L3MBTL4: variants seen among roughly 807,000 people sequenced by gnomAD.
L3MBTL4 encodes the protein L3MBTL histone methyl-lysine binding protein 4, also known as lethal(3)malignant brain tumor-like protein 4.
A neutral mutation model predicts 84.5 loss-of-function variants in L3MBTL4; 70 were observed. The ratio of observed to expected loss-of-function variants is 0.83; its 90% CI spans 0.68 to 1.01. The LOEUF is 1.01. Among genes scored for constraint, L3MBTL4 ranks in the 50% least tolerant of loss-of-function variants. The pLI is 0.00. For synonymous variants in L3MBTL4, 274 were observed against 259.8 expected, an observed-to-expected ratio of 1.05 and a Z score of -0.52; for missense variants, 715 against 754.8, an observed-to-expected ratio of 0.95 and a Z score of 0.62.
rs573638941 is a variant in L3MBTL4 at position 6,213,692 on chromosome 18, G to A, written c.871-433C>T. Among the ~76,000 whole-genome samples, 12 of 152,196 alleles carry A rather than the reference G, an allele frequency of 7.9e-5. No individual in the cohort carries two copies. The South Asian group carries it at 1.2e-3, about 16-fold the overall frequency. On this transcript the variant is annotated intron_variant, in intron 11 of 18. Coordinates refer to ENST00000317931, the MANE Select transcript of L3MBTL4 (RefSeq NM_001330559.2). Reference sequence around the variant, plus strand: ...ATCCCAAAGTGCTGGGATTACAGGCGTGAGCCATCATGCCCAGCCAGAACT... The same window carrying A: ...ATCCCAAAGTGCTGGGATTACAGGCATGAGCCATCATGCCCAGCCAGAACT...
chr18:6,176,440 T>A (rs992487736), intron 12 of L3MBTL4, among the ~76,000 whole-genome samples: 2 of 151,706 alleles, frequency 1.3e-5, no homozygotes, highest in Admixed American at 1.3e-4. Flanking sequence ...ATGACAAGAG[T>A]ATTGAATGAA....
In L3MBTL4 at chr18:6,241,361, A is replaced by T. The variant is rs752614614; in HGVS notation, c.549T>A (p.Ser183Arg). The T allele has an allele frequency of 6.4e-7, 1 of 1,552,950 alleles. No individual in the cohort carries two copies. Among genetic ancestry groups the T allele is most frequent in the South Asian group, 1.2e-5 (1 of 86,876 alleles). Residue 183 changes from serine to arginine, a missense_variant, in exon 8 of 19, where the codon AGT (serine) becomes AGA (arginine). Coordinates refer to ENST00000317931, the MANE Select transcript of L3MBTL4 (RefSeq NM_001330559.2). ...TGCTGGGAAAGAAAATACTTACAGG[A>T]CTTCTGTTTCTGAATAATTTCTTTG... ...NAPKKLFRNR[S>R]PNGPMSKEFQ...
At chr18:6,009,952 G>A (rs1189530993) in intron 16 of L3MBTL4, among the ~76,000 whole-genome samples, 1 of 152,124 alleles carries the variant, frequency 6.6e-6, no homozygotes, top group Non-Finnish European at 1.5e-5. Flanking sequence ...ATGCACTTAA[G>A]AATCATATTT....
chr18:6,341,208 A>C (rs1380449251), intron 1 of L3MBTL4, among the ~76,000 whole-genome samples: 1 of 152,148 alleles, frequency 6.6e-6, no homozygotes, highest in Non-Finnish European at 1.5e-5. Context: ...CAATGCTTCT[A>C]GGAAAACAAA....
In L3MBTL4 at chr18:5,956,271, G is replaced by A; in HGVS notation, c.1794C>T (p.Ser598=). Residue 598 remains serine, a synonymous_variant, in exon 19 of 19, where the codon TCC becomes TCT. Coordinates refer to ENST00000317931, the MANE Select transcript of L3MBTL4 (RefSeq NM_001330559.2). ...CAATATCTTCTTCAGGGAGTTCCTGGGAATGCCTGAACATCAGGATAGAGT... is the reference window on the plus strand; with the variant it reads ...CAATATCTTCTTCAGGGAGTTCCTGAGAATGCCTGAACATCAGGATAGAGT... The part of the protein sequence containing the change: ...IYNSILMFRH[S]QELPEEDIAS... 6.2e-7 allele frequency: 1 copy of A among 1,614,050 alleles called. No individual in the cohort carries two copies.
intron 1 of L3MBTL4, among the ~76,000 whole-genome samples, chr18:6,400,127 A>G (rs748427955): frequency 6.6e-5 from 10 of 152,256 alleles, no homozygotes; most frequent in Non-Finnish European, 1.2e-4. Flanking sequence ...ATTTAAAGTT[A>G]GGAAGTTCTG....
chr18:6,283,395 T>C (rs905134610), intron 4 of L3MBTL4, among the ~76,000 whole-genome samples: 1 of 152,184 alleles, frequency 6.6e-6, no homozygotes, highest in Non-Finnish European at 1.5e-5. Flanking sequence ...AAAAACCAAA[T>C]GAGTTTTTAA....
At chr18:6,247,042 T>C (rs1296878293) in intron 5 of L3MBTL4, among the ~76,000 whole-genome samples, 1 of 152,252 alleles carries the variant, frequency 6.6e-6, no homozygotes, top group Admixed American at 6.5e-5. Flanking sequence ...TTGTACTTAC[T>C]CTATCTCTCA....
intron 16 of L3MBTL4, among the ~76,000 whole-genome samples, chr18:6,051,486 C>T (rs2056836781): frequency 6.6e-6 from 1 of 151,824 alleles, no homozygotes; most frequent in Non-Finnish European, 1.5e-5. Context: ...TTGCAGTGAG[C>T]TGAGATCATG....
chr18:6,209,445 C>CAAAAAAAAA (rs60613997), intron 12 of L3MBTL4, among the ~76,000 whole-genome samples: 1,689 of 113,574 alleles, frequency 0.015, 41 homozygotes, highest in African/African-American at 0.049. Context: ...ACTAAACTGG[C>CAAAAAAAAA]AAAAAAAAAA....
In L3MBTL4 at chr18:6,239,890, G is replaced by A; in HGVS notation, c.553-18C>T. On this transcript the variant is annotated intron_variant, in intron 8 of 18. Transcript: ENST00000317931. ...GGCCCATTCTAACGCAGCACCAGCA[G>A]GGGAAGAAGCACAAAAAGAAACAGG... The A allele has an allele frequency of 6.2e-7, 1 of 1,613,788 alleles. No individual in the cohort carries two copies. The highest frequency in any genetic ancestry group is 8.5e-7 in the Non-Finnish European group (1 of 1,179,896).
chr18:6,044,633 G>C (rs1387656066), intron 16 of L3MBTL4, among the ~76,000 whole-genome samples: 3 of 151,858 alleles, frequency 2.0e-5, no homozygotes, highest in Non-Finnish European at 4.4e-5. Context: ...TAAAAGAAAA[G>C]AAAAAGAAAG....
rs571562178 is a variant in L3MBTL4 at position 6,261,456 on chromosome 18, C to T, written c.219+2491G>A. On this transcript the variant is annotated intron_variant, in intron 5 of 18. Transcript: ENST00000317931. ...CAAAGGGTGCATCACCTGCTCACCA[C>T]CCGCCTCCTTCAAAGAGTCTCTCCA... Among the ~76,000 whole-genome samples, 199 of 152,332 alleles carry T rather than the reference C, an allele frequency of 1.3e-3. 1 individual carries two copies. The highest frequency in any genetic ancestry group is 4.5e-3 in the African/African-American group (185 of 41,572).
rs377027540 is a variant in L3MBTL4, at chr18:6,093,546, G to A, written c.1200-18C>T. ...CAAAAGCACTGGTTTGTATAAAAAT[G>A]AGAGCACAGTCATCAGTATACAGTG... On this transcript the variant is annotated intron_variant, in intron 14 of 18. Transcript: ENST00000317931. 12 of 1,607,168 alleles carry A rather than the reference G, an allele frequency of 7.5e-6. No homozygotes were observed. The highest frequency in any genetic ancestry group is 9.3e-6 in the Non-Finnish European group (11 of 1,177,566).
At chr18:6,054,937 G>C (rs767641540) in intron 16 of L3MBTL4, among the ~76,000 whole-genome samples, 31 of 152,168 alleles carry the variant, frequency 2.0e-4, no homozygotes, top group Admixed American at 6.5e-4. Flanking sequence ...TCACTTACAG[G>C]TTATTCCACA....
chr18:6,364,306 TTAAA>T (rs2053839214), intron 1 of L3MBTL4, among the ~76,000 whole-genome samples: 1 of 152,032 alleles, frequency 6.6e-6, no homozygotes, highest in Non-Finnish European at 1.5e-5. Context: ...ATTGTTATTT[TTAAA>T]TAAACTAATA....
At chr18:6,270,258 G>A (rs779108912) in intron 4 of L3MBTL4, among the ~76,000 whole-genome samples, 30 of 152,158 alleles carry the variant, frequency 2.0e-4, no homozygotes, top group Admixed American at 5.9e-4. Flanking sequence ...TCACTGTGAC[G>A]GGACCCTTTC....
At chr18:6,210,396 T>A (rs1256338784) in intron 12 of L3MBTL4, among the ~76,000 whole-genome samples, 1 of 152,168 alleles carries the variant, frequency 6.6e-6, no homozygotes, top group East Asian at 1.9e-4. Flanking sequence ...TTATTTAGGA[T>A]AAAAATTAGA....
intron 14 of L3MBTL4, among the ~76,000 whole-genome samples, chr18:6,121,159 C>T (rs147830222): frequency 3.9e-5 from 6 of 152,270 alleles, no homozygotes; most frequent in African/African-American, 1.2e-4. Context: ...GAGGTCAATG[C>T]CACTGTATCT....
Sources: allele counts gnomAD v4.1 joint callset (sites outside exome capture counted in the v4.1 genomes callset), GRCh38; gene constraint gnomAD v4.1.1; transcripts MANE v1.5; gene names NCBI Gene and HGNC (gene_info 2026-07-23, HGNC 2026-07-21).